Variants in WDPCP observed in about 807,000 individuals in gnomAD.
WDPCP encodes WD repeat-containing and planar cell polarity effector protein fritz homolog.
In WDPCP, 71 loss-of-function variants were observed where a neutral mutation model predicts 93.1. The ratio of observed to expected loss-of-function variants is 0.76; its 90% CI spans 0.63 to 0.93. WDPCP has a LOEUF of 0.93. Ranked by LOEUF, WDPCP falls within the 40% of genes least tolerant of loss-of-function variation. The pLI is 0.00. For missense variants in WDPCP, 844 were observed against 887.4 expected (o/e 0.95, Z 0.62); for synonymous variants, 315 against 315.0 (o/e 1.00, Z 0.00).
intron 12 of WDPCP, among the ~76,000 whole-genome samples, chr2:63,338,787 T>C (rs770718596): frequency 3.6e-4 from 55 of 151,552 alleles, no homozygotes; most frequent in Non-Finnish European, 5.5e-4. Flanking sequence ...TATGGCTTTG[T>C]AGTAAATTTT....
intron 2 of WDPCP, among the ~76,000 whole-genome samples, chr2:63,678,140 G>A (rs1710445917): frequency 6.6e-6 from 1 of 152,090 alleles, no homozygotes; most frequent in African/African-American, 2.4e-5. Context: ...ATTTGCAGTT[G>A]CCGAAAGTAA....
intron 12 of WDPCP, among the ~76,000 whole-genome samples, chr2:63,353,301 G>A (rs756816643): frequency 1.3e-5 from 2 of 152,136 alleles, no homozygotes; most frequent in African/African-American, 2.4e-5. Flanking sequence ...AAGTAGCTGC[G>A]GCTCCAGCAA....
At chr2:63,229,250 C>T (rs1678602863) in intron 14 of WDPCP, 1 of 152,164 alleles carries the variant, frequency 6.6e-6, no homozygotes, top group African/African-American at 2.4e-5. Flanking sequence ...AGTGTCTGTT[C>T]ATATCCTTTG....
At chr2:63,471,051 T>A (rs1330844132) in intron 6 of WDPCP, among the ~76,000 whole-genome samples, 1 of 152,198 alleles carries the variant, frequency 6.6e-6, no homozygotes, top group African/African-American at 2.4e-5. Context: ...TCCCCCATCA[T>A]GCTTTCTTGC....
At chr2:63,465,908 A>G (rs1699319115) in intron 6 of WDPCP, among the ~76,000 whole-genome samples, 1 of 152,214 alleles carries the variant, frequency 6.6e-6, no homozygotes, top group African/African-American at 2.4e-5. Context: ...AATAGTTTGT[A>G]TCTTCGACAG....
chr2:63,328,674 C>T (rs912026192), intron 12 of WDPCP, among the ~76,000 whole-genome samples: 1 of 152,220 alleles, frequency 6.6e-6, no homozygotes, highest in Non-Finnish European at 1.5e-5. Flanking sequence ...CATTACCACA[C>T]TCAATGCCAT....
chr2:63,418,677 A>AAGTTC (rs1391280935), intron 9 of WDPCP, among the ~76,000 whole-genome samples: 1 of 152,202 alleles, frequency 6.6e-6, no homozygotes, highest in African/African-American at 2.4e-5. Context: ...ACAGGGTAAA[A>AAGTTC]AGTTCTAACA....
chr2:63,488,420 C>A (rs772806906), intron 2 of WDPCP, among the ~76,000 whole-genome samples: 1 of 151,972 alleles, frequency 6.6e-6, no homozygotes, highest in Non-Finnish European at 1.5e-5. Flanking sequence ...TAGTCAATTG[C>A]GTGTACTTGT....
intron 1 of WDPCP, among the ~76,000 whole-genome samples, chr2:63,562,529 TAAAATTTTTAAAAATAA>T (rs1022506908): frequency 2.0e-5 from 3 of 152,138 alleles, no homozygotes; most frequent in Non-Finnish European, 2.9e-5. Flanking sequence ...TTAAAAATAA[TAAAATTTTTAAAAATAA>T]AAAATTTCCA....
chr2:63,396,043 T>C (rs1205139376), intron 10 of WDPCP, among the ~76,000 whole-genome samples: 1 of 152,172 alleles, frequency 6.6e-6, no homozygotes, highest in Non-Finnish European at 1.5e-5. Flanking sequence ...CTGTACATTT[T>C]AAATGTGTGT....
chr2:63,223,015 C>T (rs1056980820), intron 14 of WDPCP, among the ~76,000 whole-genome samples: 3 of 152,062 alleles, frequency 2.0e-5, no homozygotes, highest in Non-Finnish European at 2.9e-5. Context: ...ATGATCCTAA[C>T]AAACCAATTA....
intron 17 of WDPCP, among the ~76,000 whole-genome samples, chr2:63,129,406 T>A (rs116397234): frequency 0.019 from 2,957 of 152,346 alleles, 103 homozygotes; most frequent in African/African-American, 0.068. Context: ...CAATGTACAA[T>A]TGTTCTAGTT....
intron 10 of WDPCP, among the ~76,000 whole-genome samples, chr2:63,390,608 C>T (rs955943659): frequency 9.9e-5 from 15 of 152,074 alleles, no homozygotes; most frequent in Non-Finnish European, 5.9e-5. Context: ...TCAATGAATC[C>T]GGGAGCTGGT....
chr2:63,369,270 GC>G, intron 12 of WDPCP: 1 of 374,218 alleles, frequency 2.7e-6, no homozygotes, highest in Non-Finnish European at 5.3e-6. Context: ...GTGAATATAG[GC>G]ACTGTATGTC....
At chr2:63,440,138 C>T (rs1697409423) in intron 6 of WDPCP, 2 of 369,748 alleles carry the variant, frequency 5.4e-6, no homozygotes, top group South Asian at 7.6e-5. Flanking sequence ...GAAATCTAAT[C>T]TTCTAAATAC....
intron 2 of WDPCP, among the ~76,000 whole-genome samples, chr2:63,702,372 A>G (rs1669068232): frequency 6.6e-6 from 1 of 152,210 alleles, no homozygotes; most frequent in African/African-American, 2.4e-5. Flanking sequence ...CACTGAATTG[A>G]TCTTTACAAA....
Position 63,575,518 on chromosome 2 carries a change from A to ATATACAGCGTATGCGCT in WDPCP, c.75+12678_75+12679insAGCGCATACGCTGTATA, listed in dbSNP as rs1427622731. ...TATACAGTATATACACTGTATATAT[A>ATATACAGCGTATGCGCT]GTATATACAGTATATACACTGTATA... On this transcript the variant is annotated intron_variant, in intron 1 of 17. Transcript: ENST00000272321. Among the ~76,000 whole-genome samples, 6 of 74,312 alleles carry ATATACAGCGTATGCGCT rather than the reference A, an allele frequency of 8.1e-5. 2 individuals are homozygous for ATATACAGCGTATGCGCT. The highest frequency in any genetic ancestry group is 3.0e-4 in the African/African-American group (5 of 16,844). The allele number at this position is 74,312 out of a possible 152,430, so 48.8% of individuals were successfully genotyped here.
the WDPCP span, among the ~76,000 whole-genome samples, chr2:63,834,986 GA>G: frequency 6.6e-6 from 1 of 151,396 alleles, no homozygotes; most frequent in African/African-American, 2.4e-5. Flanking sequence ...GTACTTTCTA[GA>G]AAAAAGTACT....
chr2:63,270,837 C>T (rs1396946056), intron 13 of WDPCP, among the ~76,000 whole-genome samples: 2 of 152,188 alleles, frequency 1.3e-5, no homozygotes, highest in African/African-American at 2.4e-5. Context: ...TCTCGGAGTC[C>T]ATGCAGTGGC....
Sources: gnomAD v4.1 joint callset for allele counts (sites outside exome capture counted in the v4.1 genomes callset) on GRCh38, gnomAD v4.1.1 for gene constraint, MANE v1.5 for transcripts, NCBI Gene and HGNC (gene_info 2026-07-23, HGNC 2026-07-21) for gene names.